The following PAN3 variants were observed in gnomAD, a reference collection of about 807,000 sequenced individuals.
PAN3 encodes the protein poly(A) specific ribonuclease subunit PAN3.
Under a neutral mutation model 96.2 loss-of-function variants are expected in PAN3, and 19 were observed. The ratio of observed to expected loss-of-function variants is 0.20; its 90% CI spans 0.14 to 0.29. The LOEUF is 0.29. Among genes scored for constraint, PAN3 ranks in the 10% least tolerant of loss-of-function variants. The probability of loss-of-function intolerance (pLI) is 1.00; values close to 1 mark genes in which losing one functional copy is unlikely to be tolerated. For synonymous variants in PAN3, 433 were observed against 406.6 expected, an observed-to-expected ratio of 1.06 and a Z score of -0.78; for missense variants, 882 against 1,108.1, an observed-to-expected ratio of 0.80 and a Z score of 2.90.
At chr13:28,193,147 C>G (rs1877501182) in intron 4 of PAN3, among the ~76,000 whole-genome samples, 1 of 152,192 alleles carries the variant, frequency 6.6e-6, no homozygotes, top group African/African-American at 2.4e-5. Context: ...GGGCCACATT[C>G]AGAGTCATCC....
At chr13:28,179,268 A>C (rs967556123) in intron 4 of PAN3, among the ~76,000 whole-genome samples, 1 of 152,390 alleles carries the variant, frequency 6.6e-6, no homozygotes, top group African/African-American at 2.4e-5. Context: ...ACCCAGGACA[A>C]TAGACAAAGC....
At chr13:28,172,522 T>A (rs1874441322) in intron 1 of PAN3, among the ~76,000 whole-genome samples, 1 of 152,184 alleles carries the variant, frequency 6.6e-6, no homozygotes, top group Non-Finnish European at 1.5e-5. Flanking sequence ...ATTTTAAACT[T>A]TGATAAAAGT....
intron 4 of PAN3, among the ~76,000 whole-genome samples, chr13:28,188,610 AAG>A (rs1346897504): frequency 2.0e-5 from 3 of 152,194 alleles, no homozygotes; most frequent in Non-Finnish European, 2.9e-5. Flanking sequence ...AAAAAAGAAA[AAG>A]AAAAAAATTA....
In PAN3 at chr13:28,295,170, T is replaced by C. The variant is rs1870171657; in HGVS notation, c.*2648T>C. On this transcript the variant is annotated 3_prime_UTR_variant, in exon 19 of 19. Transcript: ENST00000380958. ...AATATTTTTGAGGGTACCTTTGTATTTTGCTTTTGACCTTGGTTCTGTGAT... is the reference window on the plus strand; with the variant it reads ...AATATTTTTGAGGGTACCTTTGTATCTTGCTTTTGACCTTGGTTCTGTGAT... The C allele has an allele frequency of 6.6e-6, 1 of 152,206 alleles. No individual in the cohort carries two copies. The highest frequency in any genetic ancestry group is 2.4e-5 in the African/African-American group (1 of 41,444). The allele number at this position is 152,206 out of a possible 1,614,324, so 9.4% of individuals were successfully genotyped here. A position where few individuals can be genotyped will look rare whatever the true frequency, so the allele number is the denominator to read the frequency against.
chr13:28,253,986 T>G (rs1403343684), intron 6 of PAN3, among the ~76,000 whole-genome samples: 3 of 152,210 alleles, frequency 2.0e-5, no homozygotes, highest in Non-Finnish European at 4.4e-5. Context: ...TACTCAGCCT[T>G]GAAGAGAGAT....
chr13:28,262,394 G>T (rs914044580), intron 9 of PAN3, among the ~76,000 whole-genome samples: 5 of 152,120 alleles, frequency 3.3e-5, no homozygotes, highest in Non-Finnish European at 5.9e-5. Flanking sequence ...ATCTCAAAAT[G>T]CCTGCTTGTA....
chr13:28,256,182 G>A (rs1566233033), intron 6 of PAN3, 110 bp from the exon 7 acceptor site: 3 of 1,174,964 alleles, frequency 2.6e-6, no homozygotes, highest in Admixed American at 4.7e-5. Flanking sequence ...TTGCACTTAC[G>A]ATCCCAAAGA....
At chr13:28,155,937 G>C (rs1872097676) in intron 1 of PAN3, among the ~76,000 whole-genome samples, 1 of 152,140 alleles carries the variant, frequency 6.6e-6, no homozygotes, top group African/African-American at 2.4e-5. Context: ...CAATTATGGA[G>C]AGTGGTACCA....
intron 13 of PAN3, 127 bp downstream of exon 13, chr13:28,270,993 G>C: frequency 1.0e-6 from 1 of 955,796 alleles, no homozygotes; most frequent in South Asian, 2.2e-5. Flanking sequence ...CTGTAACTTT[G>C]AATTCATTTG....
chr13:28,157,874 A>C (rs1482684924), intron 1 of PAN3, among the ~76,000 whole-genome samples: 2 of 152,232 alleles, frequency 1.3e-5, no homozygotes. Context: ...ATATGGAACC[A>C]AAAAAACAGC....
intron 6 of PAN3, among the ~76,000 whole-genome samples, chr13:28,241,658 ACT>A (rs1593542915): frequency 6.6e-6 from 1 of 152,036 alleles, no homozygotes; most frequent in East Asian, 1.9e-4. Context: ...CATGTTTAGG[ACT>A]CTTAGAATTT....
chr13:28,279,483 GGTGCAGTGGCTCA>G (rs1390770616), intron 15 of PAN3, among the ~76,000 whole-genome samples: 2 of 151,886 alleles, frequency 1.3e-5, no homozygotes, highest in Middle Eastern at 3.2e-3. Flanking sequence ...TTTTTGGCCG[GGTGCAGTGGCTCA>G]CACCTGTAAT....
In PAN3 at chr13:28,215,865, A is replaced by G; in HGVS notation, c.853-4366A>G. 11 of 1,366,758 alleles carry G rather than the reference A, an allele frequency of 8.0e-6. 1 individual carries two copies. The South Asian group carries it at 1.2e-4, about 14-fold the overall frequency. The allele number at this position is 1,366,758 out of a possible 1,614,324, so 84.7% of individuals were successfully genotyped here. A position where few individuals can be genotyped will look rare whatever the true frequency, so the allele number is the denominator to read the frequency against. Reference sequence around the variant, plus strand: ...GGCTGCTGGAGCTGGCAAGGTCACCAGGTTTGCCCAGAAATCTCAGAAGGC... The same window carrying G: ...GGCTGCTGGAGCTGGCAAGGTCACCGGGTTTGCCCAGAAATCTCAGAAGGC... On this transcript the variant is annotated intron_variant, in intron 5 of 18. Coordinates refer to ENST00000380958, the MANE Select transcript of PAN3 (RefSeq NM_175854.8).
chr13:28,252,225 T>A (rs532329142), intron 6 of PAN3, among the ~76,000 whole-genome samples: 1 of 150,590 alleles, frequency 6.6e-6, no homozygotes, highest in African/African-American at 2.4e-5. Context: ...TCAGGTATAT[T>A]TTAAATGTTG....
intron 6 of PAN3, among the ~76,000 whole-genome samples, chr13:28,245,075 C>T (rs1313292705): frequency 6.6e-6 from 1 of 152,158 alleles, no homozygotes; most frequent in East Asian, 1.9e-4. Context: ...TCTTGAACTC[C>T]TGACCTCATG....
rs1875765202 is a variant in PAN3, at chr13:28,181,498, C to G, written c.690+3563C>G. On this transcript the variant is annotated intron_variant, in intron 4 of 18. Coordinates refer to ENST00000380958, the MANE Select transcript of PAN3 (RefSeq NM_175854.8). ...ATGCACTGTGTGACAGAGCAAAACC[C>G]TGTCTCAAAAAAAAAAAAAAAAAAA... Among the ~76,000 whole-genome samples the G allele has an allele frequency of 2.3e-5, 3 of 129,048 alleles. No homozygotes were observed. The South Asian group carries it at 7.4e-4, about 32-fold the overall frequency. 84.7% of individuals were successfully genotyped at this position (129,048 alleles called of 152,430 possible). A position where few individuals can be genotyped will look rare whatever the true frequency, so the allele number is the denominator to read the frequency against.
At chr13:28,249,680 C>T (rs921282577) in intron 6 of PAN3, among the ~76,000 whole-genome samples, 3 of 152,126 alleles carry the variant, frequency 2.0e-5, no homozygotes, top group African/African-American at 7.2e-5. Context: ...GAACTCCTGA[C>T]CTCAAGGGAT....
chr13:28,271,448 T>A (rs45598132), intron 13 of PAN3, among the ~76,000 whole-genome samples: 2,859 of 152,344 alleles, frequency 0.019, 99 homozygotes, highest in African/African-American at 0.065. Context: ...TTTAAGTTCA[T>A]ATCCTGGCTT....
intron 6 of PAN3, among the ~76,000 whole-genome samples, chr13:28,242,253 T>C (rs1020404334): frequency 3.3e-5 from 5 of 152,212 alleles, no homozygotes; most frequent in Non-Finnish European, 7.3e-5. Flanking sequence ...TTTGTTATAC[T>C]TAGTACTTCT....
Sources: allele counts gnomAD v4.1 joint callset (sites outside exome capture counted in the v4.1 genomes callset), GRCh38; gene constraint gnomAD v4.1.1; transcripts MANE v1.5; gene names NCBI Gene and HGNC (gene_info 2026-07-23, HGNC 2026-07-21).